USH2A: variants seen among roughly 807,000 people sequenced by gnomAD.
USH2A encodes usherin.
A neutral mutation model predicts 538.9 loss-of-function variants in USH2A; 443 were observed. The observed-to-expected ratio is 0.82, with a 90% confidence interval of 0.76 to 0.89. The LOEUF (loss-of-function observed/expected upper bound fraction) is 0.89, where lower values mean the gene tolerates loss of function less well. Among genes scored for constraint, USH2A ranks in the 40% least tolerant of loss-of-function variants. The pLI is 0.00. For missense variants in USH2A, 6,633 were observed against 6,324.8 expected (o/e 1.05, Z -1.65); for synonymous variants, 2,413 against 2,273.5 (o/e 1.06, Z -1.75).
chr1:216,250,878 C>A (rs1221574215), intron 12 of USH2A, 25 bp downstream of exon 12: 1 of 1,611,744 alleles, frequency 6.2e-7, no homozygotes, highest in Non-Finnish European at 8.5e-7. Context: ...AGAGATGTGA[C>A]TGTAAACTTT....
At chr1:215,950,775 G>T (rs1571839870) in intron 37 of USH2A, among the ~76,000 whole-genome samples, 1 of 152,034 alleles carries the variant, frequency 6.6e-6, no homozygotes, top group Non-Finnish European at 1.5e-5. Flanking sequence ...CTCCCAAACT[G>T]CTGGGTACAG....
intron 43 of USH2A, among the ~76,000 whole-genome samples, chr1:215,875,664 A>T (rs1459732570): frequency 6.6e-6 from 1 of 151,966 alleles, no homozygotes; most frequent in African/African-American, 2.4e-5. Context: ...TTGGAAACTT[A>T]TTCTTTGTTT....
chr1:215,907,072 T>C (rs1006513661), intron 38 of USH2A, among the ~76,000 whole-genome samples: 7 of 151,934 alleles, frequency 4.6e-5, no homozygotes, highest in African/African-American at 1.7e-4. Context: ...GAATAGTCTT[T>C]ATCATTGGAA....
chr1:215,799,756 T>C (rs916803826), intron 49 of USH2A, among the ~76,000 whole-genome samples: 5 of 151,942 alleles, frequency 3.3e-5, no homozygotes, highest in African/African-American at 1.2e-4. Flanking sequence ...GAGGCCTAGG[T>C]GGGTGGATAA....
chr1:216,011,583 T>C (rs1668571252), intron 32 of USH2A, among the ~76,000 whole-genome samples: 1 of 152,100 alleles, frequency 6.6e-6, no homozygotes. Context: ...CCACACCCTG[T>C]AGCCTTTCTG....
chr1:215,823,655 T>C (rs1663075311), intron 47 of USH2A, among the ~76,000 whole-genome samples: 1 of 152,108 alleles, frequency 6.6e-6, no homozygotes, highest in Non-Finnish European at 1.5e-5. Context: ...TACCTTCCTC[T>C]TGAACACCAA....
In USH2A at chr1:215,641,966, A is replaced by G. The variant is rs28729901; in HGVS notation, c.14792-1232T>C. Among the ~76,000 whole-genome samples, 223 of 152,198 alleles carry G rather than the reference A, an allele frequency of 1.5e-3. 1 individual carries two copies. Among genetic ancestry groups the G allele is most frequent in the African/African-American group, 5.2e-3 (218 of 41,544 alleles). ...GATTCTGCCTGATATCACAAGGAAT[A>G]CTCTATTGTTATTTGTCTATGACTT... On this transcript the variant is annotated intron_variant, in intron 67 of 71. Coordinates refer to ENST00000307340, the MANE Select transcript of USH2A (RefSeq NM_206933.4).
intron 31 of USH2A, 110 bp downstream of exon 31, chr1:216,048,424 T>C (rs918577688): frequency 8.9e-7 from 1 of 1,123,076 alleles, no homozygotes; most frequent in Non-Finnish European, 1.4e-6. Flanking sequence ...CACTTTGTCA[T>C]CAAATTAGGT....
At chr1:216,283,601 T>C (rs1321023140) in intron 11 of USH2A, among the ~76,000 whole-genome samples, 1 of 152,192 alleles carries the variant, frequency 6.6e-6, no homozygotes, top group Non-Finnish European at 1.5e-5. Flanking sequence ...CACTGAAATA[T>C]TTGGATATAG....
rs566708959 is a variant in USH2A at position 216,191,514 on chromosome 1, T to C, written c.4252-1147A>G. 7.2e-5 allele frequency among the ~76,000 whole-genome samples: 11 copies of C among 152,120 alleles called. No homozygotes were observed. The South Asian group carries it at 1.9e-3, about 26-fold the overall frequency. On this transcript the variant is annotated intron_variant, in intron 19 of 71. Transcript: ENST00000307340. ...TCTAAAACTCTAGGAATAATTTAAA[T>C]TTAAAACTTTAAAACCATTTCCTTG...
At chr1:216,310,335 G>A (rs890821970) in intron 9 of USH2A, among the ~76,000 whole-genome samples, 9 of 151,830 alleles carry the variant, frequency 5.9e-5, no homozygotes, top group Admixed American at 1.3e-4. Context: ...TTTGGGGGTT[G>A]CCCTATAAAG....
At chr1:215,824,531 C>T (rs1663101609) in intron 47 of USH2A, among the ~76,000 whole-genome samples, 1 of 152,022 alleles carries the variant, frequency 6.6e-6, no homozygotes, top group Non-Finnish European at 1.5e-5. Flanking sequence ...GATTGGTGCC[C>T]AGGAAACCTG....
chr1:216,377,862 A>G (rs1030163131), intron 3 of USH2A, among the ~76,000 whole-genome samples: 50 of 142,458 alleles, frequency 3.5e-4, no homozygotes, highest in African/African-American at 1.2e-3. Flanking sequence ...AAAGAAAGAA[A>G]GAAAGAAGGA....
intron 3 of USH2A, among the ~76,000 whole-genome samples, chr1:216,385,957 A>G (rs542299640): frequency 3.3e-5 from 5 of 152,328 alleles, no homozygotes; most frequent in Non-Finnish European, 4.4e-5. Context: ...AAGCACTATC[A>G]TAATGAGAAG....
intron 31 of USH2A, 101 bp downstream of exon 31, chr1:216,048,433 G>T: frequency 1.7e-6 from 2 of 1,194,258 alleles, no homozygotes; most frequent in Non-Finnish European, 2.5e-6. Flanking sequence ...ATCAAATTAG[G>T]TTGGGGTTTG....
At chr1:215,963,157 A>G (rs1667242978) in intron 37 of USH2A, among the ~76,000 whole-genome samples, 1 of 152,164 alleles carries the variant, frequency 6.6e-6, no homozygotes, top group Middle Eastern at 3.2e-3. Flanking sequence ...AGACAATTCA[A>G]TAAGCTTTGT....
intron 41 of USH2A, among the ~76,000 whole-genome samples, chr1:215,880,533 C>A (rs1664877113): frequency 6.6e-6 from 1 of 152,062 alleles, no homozygotes; most frequent in Non-Finnish European, 1.5e-5. Context: ...GAGGATTTGC[C>A]TGGATGTGGG....
At chr1:216,269,991 G>A (rs1169001463) in intron 11 of USH2A, among the ~76,000 whole-genome samples, 1 of 152,104 alleles carries the variant, frequency 6.6e-6, no homozygotes, top group African/African-American at 2.4e-5. Context: ...GATTTATTGT[G>A]CATGTGTGAA....
At chr1:216,203,834 A>G (rs1403721531) in intron 16 of USH2A, among the ~76,000 whole-genome samples, 1 of 152,198 alleles carries the variant, frequency 6.6e-6, no homozygotes, top group Non-Finnish European at 1.5e-5. Flanking sequence ...TCATTGTTAC[A>G]TGTAAAAATA....
Sources: allele counts gnomAD v4.1 joint callset (sites outside exome capture counted in the v4.1 genomes callset), GRCh38; gene constraint gnomAD v4.1.1; transcripts MANE v1.5; gene names NCBI Gene and HGNC (gene_info 2026-07-23, HGNC 2026-07-21).